The following FREM3 variants were observed in gnomAD, a reference collection of about 807,000 sequenced individuals.
The protein encoded by FREM3 is FRAS1 related extracellular matrix 3.
Under a neutral mutation model 129.1 loss-of-function variants are expected in FREM3, and 105 were observed. The observed-to-expected ratio is 0.81, with a 90% confidence interval of 0.69 to 0.96. The LOEUF (loss-of-function observed/expected upper bound fraction) is 0.96, where lower values mean the gene tolerates loss of function less well. FREM3 is among the 40% of genes least tolerant of loss of function. The probability of loss-of-function intolerance (pLI) is 0.00; values close to 1 mark genes in which losing one functional copy is unlikely to be tolerated. For synonymous variants in FREM3, 1,014 were observed against 1,044.9 expected (o/e 0.97, Z 0.57); for missense variants, 2,593 against 2,666.3 (o/e 0.97, Z 0.61).
intron 6 of FREM3, among the ~76,000 whole-genome samples, chr4:143,595,312 G>A (rs1738447307): frequency 6.6e-6 from 1 of 152,136 alleles, no homozygotes; most frequent in East Asian, 1.9e-4. Context: ...ATTTAAACAG[G>A]TTTTGAATTC....
chr4:143,661,514 C>T (rs937897926), intron 2 of FREM3, among the ~76,000 whole-genome samples: 1 of 151,608 alleles, frequency 6.6e-6, no homozygotes. Context: ...AGGATTTTTG[C>T]GTCAATGTTC....
In FREM3 at chr4:143,699,686, C is replaced by G. The variant is rs1284040579; in HGVS notation, c.990G>C (p.Leu330=). 5.2e-6 allele frequency: 8 copies of G among 1,526,018 alleles called. No homozygotes were observed. In the Admixed American group the frequency reaches 1.6e-4, roughly 30 times the overall value. 94.5% of individuals were successfully genotyped at this position (1,526,018 alleles called of 1,614,324 possible). A position where few individuals can be genotyped will look rare whatever the true frequency, so the allele number is the denominator to read the frequency against. ...LVLTALTPDA[L]AAEDVESDPG... ...GGTCTGACTCGACGTCCTCCGCGGC[C>G]AGTGCGTCAGGCGTCAGGGCTGTCA... The change falls in exon 1 of 8, where the codon CTG becomes CTC. Residue 330 remains leucine (L), a synonymous_variant. Coordinates refer to ENST00000329798, the MANE Select transcript of FREM3 (RefSeq NM_001168235.2). This position sits in a 1 kb window ranked among gnomAD's most constrained non-coding sequence, Gnocchi z 4.2.
At chr4:143,642,175 T>G (rs1739331400) in intron 2 of FREM3, among the ~76,000 whole-genome samples, 1 of 152,222 alleles carries the variant, frequency 6.6e-6, no homozygotes, top group South Asian at 2.1e-4. Context: ...TGGAAAGATA[T>G]CCTGTGTTTC....
intron 6 of FREM3, among the ~76,000 whole-genome samples, chr4:143,603,489 ATGCGGTCTGCTCTTTAGACATAG>A (rs1289996424): frequency 6.6e-6 from 1 of 152,192 alleles, no homozygotes; most frequent in Admixed American, 6.5e-5. Flanking sequence ...GAAATGCCAA[ATGCGGTCTGCTCTTTAGACATAG>A]TTGATCCATT....
At chr4:143,654,398 C>T (rs1266606369) in intron 2 of FREM3, among the ~76,000 whole-genome samples, 1 of 152,180 alleles carries the variant, frequency 6.6e-6, no homozygotes. Flanking sequence ...ACCAGCATGC[C>T]AGGCCCAAAC....
chr4:143,619,366 G>T (rs1180872711), intron 5 of FREM3, among the ~76,000 whole-genome samples: 2 of 152,072 alleles, frequency 1.3e-5, no homozygotes, highest in African/African-American at 4.8e-5. Context: ...TCTTTGTATG[G>T]CAGCCTTGTG....
At chr4:143,638,562 A>G (rs1319763066) in intron 2 of FREM3, among the ~76,000 whole-genome samples, 1 of 152,182 alleles carries the variant, frequency 6.6e-6, no homozygotes, top group Non-Finnish European at 1.5e-5. Flanking sequence ...TCTTGAGTCC[A>G]GAGCAAGTGA....
chr4:143,601,763 T>C (rs906314458), intron 6 of FREM3: 3 of 152,212 alleles, frequency 2.0e-5, no homozygotes, highest in African/African-American at 7.2e-5. Context: ...AGGGAGTCTG[T>C]CGTCCCTGGC....
chr4:143,591,863 G>A (rs376094499), intron 6 of FREM3, among the ~76,000 whole-genome samples: 1 of 152,138 alleles, frequency 6.6e-6, no homozygotes, highest in Admixed American at 6.5e-5. Flanking sequence ...CATTATTATT[G>A]TGTGGGAGTC....
intron 7 of FREM3, among the ~76,000 whole-genome samples, chr4:143,578,326 C>T (rs992848754): frequency 2.0e-5 from 3 of 152,094 alleles, no homozygotes; most frequent in South Asian, 2.1e-4. Context: ...GCCATTCTCT[C>T]GGTTGTTATT....
chr4:143,612,863 T>C (rs554838437), intron 5 of FREM3, among the ~76,000 whole-genome samples: 43 of 152,288 alleles, frequency 2.8e-4, no homozygotes, highest in African/African-American at 1.0e-3. Context: ...CCACCATACC[T>C]CACTTTAATA....
At chr4:143,608,341 A>G (rs1028221018) in intron 6 of FREM3, among the ~76,000 whole-genome samples, 4 of 152,172 alleles carry the variant, frequency 2.6e-5, no homozygotes, top group African/African-American at 7.2e-5. Context: ...TTCTTTTGTA[A>G]GGTGGTCCCC....
intron 2 of FREM3, among the ~76,000 whole-genome samples, chr4:143,660,214 T>C (rs1294938175): frequency 2.8e-4 from 41 of 146,230 alleles, no homozygotes; most frequent in African/African-American, 9.0e-4. Context: ...TTAATGGTTT[T>C]AGGTCTAACA....
chr4:143,691,890 C>T (rs1355905495), intron 2 of FREM3, among the ~76,000 whole-genome samples: 1 of 151,958 alleles, frequency 6.6e-6, no homozygotes, highest in African/African-American at 2.4e-5. Flanking sequence ...AAATATTTGT[C>T]TTACATTTAT....
chr4:143,654,527 A>G (rs1739565725), intron 2 of FREM3, among the ~76,000 whole-genome samples: 1 of 152,244 alleles, frequency 6.6e-6, no homozygotes, highest in South Asian at 2.1e-4. Context: ...GCACTTAGGA[A>G]ACAAGACTCA....
In FREM3 at chr4:143,599,134, C is replaced by G. The variant is rs537036466; in HGVS notation, c.6028+12145G>C. On this transcript the variant is annotated intron_variant, in intron 6 of 7. Transcript: ENST00000329798. ...AAAGTGTAGGAGGGTCTTCTGCCATCTTGCTCAGAAAGCTGATTTTTAAAA... is the reference window on the plus strand; with the variant it reads ...AAAGTGTAGGAGGGTCTTCTGCCATGTTGCTCAGAAAGCTGATTTTTAAAA... Among the ~76,000 whole-genome samples, 3 of 152,244 alleles carry G rather than the reference C, an allele frequency of 2.0e-5. No individual in the cohort carries two copies. The East Asian group carries it at 5.8e-4, about 29-fold the overall frequency.
intron 2 of FREM3, among the ~76,000 whole-genome samples, chr4:143,652,939 T>G (rs1739537883): frequency 6.6e-6 from 1 of 152,208 alleles, no homozygotes; most frequent in Non-Finnish European, 1.5e-5. Flanking sequence ...CTTTTCTGCC[T>G]TCTCTTAACA....
rs1272338033 is a variant in FREM3, at chr4:143,611,353, C to CT, written c.5953dup (p.Arg1985LysfsTer16). ...TCCCAGCTGTCCTCCCACTGGCAGCCTAAGTGAAACGCTGAAGGATTCCTC... is the reference window on the plus strand; with the variant it reads ...TCCCAGCTGTCCTCCCACTGGCAGCCTTAAGTGAAACGCTGAAGGATTCCTC... On this transcript the variant is annotated frameshift_variant, in exon 6 of 8. Coordinates refer to ENST00000329798, the MANE Select transcript of FREM3 (RefSeq NM_001168235.2). LOFTEE classifies it high-confidence loss of function. The CT allele has an allele frequency of 6.5e-7, 1 of 1,537,120 alleles. No individual in the cohort carries two copies. Among genetic ancestry groups the CT allele is most frequent in the East Asian group, 2.4e-5 (1 of 40,894 alleles).
rs1024434522 is a variant in FREM3, at chr4:143,697,882, T to C, written c.2794A>G (p.Ile932Val). 6.5e-7 allele frequency: 1 copy of C among 1,537,846 alleles called. No homozygotes were observed. The highest frequency in any genetic ancestry group is 1.2e-5 in the South Asian group (1 of 84,062). ...TTAGCCACATTGGGATGCACAGAAA[T>C]TGGGATGGTGATGGGTATATGGTGC... The part of the protein sequence containing the change: ...GVHHIPITIP[I>V]SVHPNVANRS... Residue 932 changes from isoleucine to valine, a missense_variant, in exon 1 of 8, where the codon ATT becomes GTT. This residue lies in a region of FREM3 where 2,276 missense variants were observed against 2,267.2 expected (regional missense o/e 1.00). Coordinates refer to ENST00000329798, the MANE Select transcript of FREM3 (RefSeq NM_001168235.2).
Sources: allele counts gnomAD v4.1 joint callset (sites outside exome capture counted in the v4.1 genomes callset), GRCh38; gene constraint gnomAD v4.1.1; regional missense constraint gnomAD v4.1.1; non-coding constraint Gnocchi (gnomAD v3.1); transcripts MANE v1.5; gene names NCBI Gene and HGNC (gene_info 2026-07-23, HGNC 2026-07-21).